Variants in PDGFC observed in about 807,000 individuals in gnomAD.
PDGFC encodes the protein platelet derived growth factor C, also known as platelet-derived growth factor C.
PDGFC carries 12 observed loss-of-function variants against 35.5 expected under a neutral mutation model. The ratio of observed to expected loss-of-function variants is 0.34; its 90% CI spans 0.22 to 0.55. The LOEUF (loss-of-function observed/expected upper bound fraction) is 0.55. PDGFC is among the 20% of genes least tolerant of loss of function. PDGFC has a pLI of 0.91. For missense variants in PDGFC, 322 were observed against 412.4 expected (o/e 0.78, Z 1.90); for synonymous variants, 159 against 148.8 (o/e 1.07, Z -0.50).
At chr4:156,795,512 G>A (rs1448659949) in intron 3 of PDGFC, among the ~76,000 whole-genome samples, 3 of 151,894 alleles carry the variant, frequency 2.0e-5, no homozygotes, top group Admixed American at 6.6e-5. Context: ...CCTAAATGAT[G>A]AGTGGTAAAA....
At chr4:156,893,777 T>C (rs1201670329) in intron 1 of PDGFC, among the ~76,000 whole-genome samples, 2 of 152,124 alleles carry the variant, frequency 1.3e-5, no homozygotes, top group Non-Finnish European at 2.9e-5. Flanking sequence ...GAAGGGGCAA[T>C]CAAAATAATT....
At chr4:156,822,141 C>T (rs1579032284) in intron 2 of PDGFC, among the ~76,000 whole-genome samples, 8 of 151,962 alleles carry the variant, frequency 5.3e-5, no homozygotes, top group Admixed American at 3.3e-4. Flanking sequence ...GGGTAGATCA[C>T]GAGTTCAGGA....
chr4:156,796,036 T>C (rs1035736302), intron 3 of PDGFC, among the ~76,000 whole-genome samples: 1 of 152,208 alleles, frequency 6.6e-6, no homozygotes, highest in African/African-American at 2.4e-5. Flanking sequence ...GAGTGATTTG[T>C]GGTATTATTT....
In PDGFC at chr4:156,823,939, C is replaced by T. The variant is rs140582669; in HGVS notation, c.315-12922G>A. Among the ~76,000 whole-genome samples, 18 of 152,066 alleles carry T rather than the reference C, an allele frequency of 1.2e-4. No individual in the cohort carries two copies. In the East Asian group the frequency reaches 1.7e-3, roughly 15 times the overall value. ...AATGTTTCATTCATGACAACATGAACGGAACAGGACATTATGCAAGGTGCA... is the reference window on the plus strand; with the variant it reads ...AATGTTTCATTCATGACAACATGAATGGAACAGGACATTATGCAAGGTGCA... On this transcript the variant is annotated intron_variant, in intron 2 of 5. Transcript: ENST00000502773.
At position 156,818,379 on chromosome 4, in the gene PDGFC, G is replaced by A. The variant is rs149643413; in HGVS notation, c.315-7362C>T. Among the ~76,000 whole-genome samples the A allele has an allele frequency of 2.7e-3, 415 of 152,018 alleles. 1 individual carries two copies. Among genetic ancestry groups the A allele is most frequent in the African/African-American group, 9.4e-3 (391 of 41,432 alleles). On this transcript the variant is annotated intron_variant, in intron 2 of 5. Coordinates refer to ENST00000502773, the MANE Select transcript of PDGFC (RefSeq NM_016205.3). ...CATTTTGTGTTAACTCAGCAATGGAGCTGTTTTGCCTTCATATCATTTAGT... is the reference window on the plus strand; with the variant it reads ...CATTTTGTGTTAACTCAGCAATGGAACTGTTTTGCCTTCATATCATTTAGT...
At position 156,850,382 on chromosome 4, in the gene PDGFC, A is replaced by G; in HGVS notation, c.153T>C (p.Thr51=). 2 of 1,602,226 alleles carry G rather than the reference A, an allele frequency of 1.2e-6. No homozygotes were observed. The highest frequency in any genetic ancestry group is 1.7e-6 in the Non-Finnish European group (2 of 1,173,578). The change falls in exon 2 of 6, where the codon ACT becomes ACC. Residue 51 remains threonine (T), a synonymous_variant. Transcript: ENST00000502773. ...VQDPQHERII[T]VSTNGSIHSP... ...TGTGAATACTTCCATTAGTAGACACAGTAATAATTCTCTCATGCTGAGGAT... is the reference window on the plus strand; with the variant it reads ...TGTGAATACTTCCATTAGTAGACACGGTAATAATTCTCTCATGCTGAGGAT...
At chr4:156,863,466 T>A (rs951378388) in intron 1 of PDGFC, among the ~76,000 whole-genome samples, 3 of 152,188 alleles carry the variant, frequency 2.0e-5, no homozygotes, top group Non-Finnish European at 4.4e-5. Flanking sequence ...TTCGTAAACT[T>A]GGCAATAGCT....
At chr4:156,818,537 T>C (rs1463227889) in intron 2 of PDGFC, among the ~76,000 whole-genome samples, 1 of 149,910 alleles carries the variant, frequency 6.7e-6, no homozygotes, top group Non-Finnish European at 1.5e-5. Flanking sequence ...TTTTTTTTTT[T>C]TGAGACGGAG....
chr4:156,876,236 G>A (rs1341718024), intron 1 of PDGFC, among the ~76,000 whole-genome samples: 1 of 152,094 alleles, frequency 6.6e-6, no homozygotes, highest in East Asian at 1.9e-4. Flanking sequence ...AAATGTTGGG[G>A]AAAAGTTCTT....
At chr4:156,869,995 C>A (rs1478243572) in intron 1 of PDGFC, among the ~76,000 whole-genome samples, 4 of 151,050 alleles carry the variant, frequency 2.6e-5, no homozygotes, top group Non-Finnish European at 5.9e-5. Flanking sequence ...AAAAAAAAAA[C>A]CCAGCTTTTT....
chr4:156,783,274 T>G (rs1307804247), intron 3 of PDGFC, among the ~76,000 whole-genome samples: 3 of 152,120 alleles, frequency 2.0e-5, no homozygotes, highest in Non-Finnish European at 4.4e-5. Context: ...GTGTGTGCCA[T>G]GCTATGGAAT....
chr4:156,944,114 T>A (rs1489102276), intron 1 of PDGFC, among the ~76,000 whole-genome samples: 1 of 152,158 alleles, frequency 6.6e-6, no homozygotes, highest in Non-Finnish European at 1.5e-5. Context: ...ATTAAAGGCA[T>A]GTGCCATGGA....
chr4:156,815,261 C>T (rs756227295), intron 2 of PDGFC, among the ~76,000 whole-genome samples: 2 of 149,612 alleles, frequency 1.3e-5, no homozygotes, highest in Non-Finnish European at 3.0e-5. Context: ...TAATTTTTAT[C>T]GTCACACACA....
rs546943930 is a variant in PDGFC at position 156,848,227 on chromosome 4, T to G, written c.314+1994A>C. On this transcript the variant is annotated intron_variant, in intron 2 of 5. Coordinates refer to ENST00000502773, the MANE Select transcript of PDGFC (RefSeq NM_016205.3). Reference sequence around the variant, plus strand: ...AATAAAACCAATGATAAGGTACAATTTCACACTTACCCATATTACAATTTT... The same window carrying G: ...AATAAAACCAATGATAAGGTACAATGTCACACTTACCCATATTACAATTTT... Among the ~76,000 whole-genome samples the G allele has an allele frequency of 6.5e-4, 98 of 151,886 alleles. 1 individual carries two copies. The highest frequency in any genetic ancestry group is 1.4e-3 in the Non-Finnish European group (93 of 67,834).
intron 2 of PDGFC, among the ~76,000 whole-genome samples, chr4:156,820,160 A>G (rs566581036): frequency 6.6e-6 from 1 of 152,344 alleles, no homozygotes; most frequent in Non-Finnish European, 1.5e-5. Context: ...CCTGGTGAAG[A>G]TGCCATGAAC....
At chr4:156,819,024 G>C (rs1732174860) in intron 2 of PDGFC, among the ~76,000 whole-genome samples, 1 of 152,140 alleles carries the variant, frequency 6.6e-6, no homozygotes, top group Non-Finnish European at 1.5e-5. Flanking sequence ...CCAAAGCCTA[G>C]TCCAGAGCAA....
chr4:156,904,403 C>T (rs952044286), intron 1 of PDGFC, among the ~76,000 whole-genome samples: 2 of 152,012 alleles, frequency 1.3e-5, no homozygotes, highest in Non-Finnish European at 2.9e-5. Context: ...CACTCTAAAA[C>T]CATCTTGAAC....
intron 1 of PDGFC, among the ~76,000 whole-genome samples, chr4:156,877,891 C>G (rs932344487): frequency 2.0e-5 from 3 of 152,154 alleles, no homozygotes; most frequent in African/African-American, 7.2e-5. Context: ...TCTCCCTGAT[C>G]TACCCTGCTA....
At chr4:156,951,732 A>G (rs1159867785) in intron 1 of PDGFC, among the ~76,000 whole-genome samples, 1 of 116,106 alleles carries the variant, frequency 8.6e-6, no homozygotes, top group Non-Finnish European at 1.6e-5. Context: ...TACCTTATAG[A>G]AAAAAAAAAA....
Sources: allele counts gnomAD v4.1 joint callset (sites outside exome capture counted in the v4.1 genomes callset), GRCh38; gene constraint gnomAD v4.1.1; transcripts MANE v1.5; gene names NCBI Gene and HGNC (gene_info 2026-07-23, HGNC 2026-07-21).